Variants in FGD4 observed in about 807,000 individuals in gnomAD.
FGD4 encodes the protein FYVE, RhoGEF and PH domain-containing protein 4.
FGD4 carries 42 observed loss-of-function variants against 102.0 expected under a neutral mutation model. That is an observed-to-expected ratio of 0.41 (90% CI 0.32 to 0.53). The LOEUF is 0.53. FGD4 is among the 20% of genes least tolerant of loss of function. FGD4 has a pLI of 0.21. For missense variants in FGD4, 902 were observed against 1,078.2 expected (o/e 0.84, Z 2.29); for synonymous variants, 380 against 375.7 (o/e 1.01, Z -0.13).
intron 4 of FGD4, among the ~76,000 whole-genome samples, chr12:32,583,109 G>A (rs1946742715): frequency 6.6e-6 from 1 of 152,166 alleles, no homozygotes; most frequent in Non-Finnish European, 1.5e-5. Flanking sequence ...GGCCAAGGCA[G>A]GAAGAATTCC....
chr12:32,464,519 A>C (rs1428988046), intron 1 of FGD4, among the ~76,000 whole-genome samples: 1 of 152,196 alleles, frequency 6.6e-6, no homozygotes, highest in Admixed American at 6.5e-5. Flanking sequence ...GGATTAAAGA[A>C]AAAGGACAAA....
chr12:32,527,631 T>C (rs893697210), intron 1 of FGD4, among the ~76,000 whole-genome samples: 2 of 152,152 alleles, frequency 1.3e-5, no homozygotes, highest in Non-Finnish European at 2.9e-5. Context: ...GGTTTCACCA[T>C]GTTGGCCAGG....
At chr12:32,400,076 G>T (rs1591829319) in intron 1 of FGD4, 117 bp downstream of exon 1, 1 of 1,354,822 alleles carries the variant, frequency 7.4e-7, no homozygotes, top group East Asian at 3.0e-5. Flanking sequence ...TAACTGGTTC[G>T]GGAGGTTCAT....
rs1194009344 is a variant in FGD4, at chr12:32,481,834, A to G, written c.166+81875A>G. 3.4e-5 allele frequency among the ~76,000 whole-genome samples: 5 copies of G among 147,052 alleles called. No individual in the cohort carries two copies. The East Asian group carries it at 8.0e-4, about 23-fold the overall frequency. ...AGACTGTCTCAAAAAAAAAAAAAAA[A>G]GAACATCTAAGTTAATTGAAATAAT... On this transcript the variant is annotated intron_variant, in intron 1 of 16. Coordinates refer to ENST00000534526, the MANE Select transcript of FGD4 (RefSeq NM_001370298.3).
intron 7 of FGD4, 43 bp from the exon 8 acceptor site, chr12:32,607,914 A>G: frequency 6.2e-7 from 1 of 1,612,798 alleles, no homozygotes; most frequent in Non-Finnish European, 8.5e-7. Context: ...AGACTTGCTA[A>G]CCTAATTTTT....
intron 10 of FGD4, among the ~76,000 whole-genome samples, chr12:32,617,098 C>G (rs910590769): frequency 4.6e-5 from 7 of 152,340 alleles, no homozygotes; most frequent in Admixed American, 2.6e-4. Flanking sequence ...GACCCAAACA[C>G]TTACCATTAA....
intron 1 of FGD4, among the ~76,000 whole-genome samples, chr12:32,539,851 T>G (rs554363201): frequency 3.9e-5 from 6 of 152,202 alleles, no homozygotes; most frequent in Non-Finnish European, 8.8e-5. Flanking sequence ...CAATTTTGAC[T>G]ATAGCAAAAA....
chr12:32,470,971 G>A (rs1450232348), intron 1 of FGD4, among the ~76,000 whole-genome samples: 3 of 152,148 alleles, frequency 2.0e-5, no homozygotes, highest in Non-Finnish European at 2.9e-5. Flanking sequence ...GTTGTTTTCT[G>A]TTGAAAATGG....
chr12:32,633,779 G>A (rs1362466538), intron 15 of FGD4, 90 bp downstream of exon 15: 12 of 1,206,778 alleles, frequency 9.9e-6, no homozygotes, highest in Non-Finnish European at 1.3e-5. Context: ...GCAGTGGCAC[G>A]ATCTCAGCTC....
At position 32,619,683 on chromosome 12, in the gene FGD4, T is replaced by G; in HGVS notation, c.1750-15T>G. On this transcript the variant is annotated splice_polypyrimidine_tract_variant and intron_variant, in intron 10 of 16. Transcript: ENST00000534526. The stretch of plus-strand genomic sequence containing the variant: ...ATTTCTTTTCTTTACTGATATATGT[T>G]CTCGTTCCTTGCAGTTCAACAACAT... 1 of 1,614,050 alleles carries G rather than the reference T, an allele frequency of 6.2e-7. No homozygotes were observed. The highest frequency in any genetic ancestry group is 8.5e-7 in the Non-Finnish European group (1 of 1,179,986).
At chr12:32,503,063 T>G (rs1211037879) in intron 1 of FGD4, among the ~76,000 whole-genome samples, 4 of 152,232 alleles carry the variant, frequency 2.6e-5, no homozygotes, top group Admixed American at 2.6e-4. Context: ...TCTGTGTGGC[T>G]AAGAGGTTGG....
intron 1 of FGD4, among the ~76,000 whole-genome samples, chr12:32,406,031 C>T (rs1479652509): frequency 6.6e-6 from 1 of 152,012 alleles, no homozygotes; most frequent in African/African-American, 2.4e-5. Context: ...GCAACCTCCG[C>T]CTCCTGGGTT....
intron 1 of FGD4, among the ~76,000 whole-genome samples, chr12:32,441,641 C>T (rs576503801): frequency 9.9e-5 from 15 of 152,140 alleles, no homozygotes; most frequent in African/African-American, 3.6e-4. Flanking sequence ...GTAATGCCAG[C>T]ACTCCCTTGG....
intron 1 of FGD4, among the ~76,000 whole-genome samples, chr12:32,463,565 T>C (rs1943168218): frequency 1.3e-5 from 2 of 152,212 alleles, no homozygotes; most frequent in Admixed American, 6.5e-5. Flanking sequence ...CAAATATATA[T>C]TTTTTAACTC....
intron 1 of FGD4, among the ~76,000 whole-genome samples, chr12:32,536,104 GA>G (rs1437803707): frequency 2.7e-5 from 4 of 150,822 alleles, no homozygotes; most frequent in African/African-American, 9.7e-5. Flanking sequence ...TTAATGACCT[GA>G]AAAAACTTCT....
At chr12:32,404,963 T>A (rs548734181) in intron 1 of FGD4, among the ~76,000 whole-genome samples, 6 of 152,276 alleles carry the variant, frequency 3.9e-5, no homozygotes, top group African/African-American at 1.4e-4. Flanking sequence ...AGACGGAGTC[T>A]GGCTCTGTTG....
In FGD4 at chr12:32,601,313, AG is replaced by A; in HGVS notation, c.1139del (p.Gly380AlafsTer8). The A allele has an allele frequency of 6.2e-7, 1 of 1,614,146 alleles. No individual in the cohort carries two copies. The highest frequency in any genetic ancestry group is 8.5e-7 in the Non-Finnish European group (1 of 1,180,012). On this transcript the variant is annotated frameshift_variant, in exon 6 of 17. Transcript: ENST00000534526. LOFTEE classifies it high-confidence loss of function. ...GCAAACTGTTGGAAGAAGCAAACCGAGGCTCGTTTCCAGCAGAGATGGTGAA... is the reference window on the plus strand; with the variant it reads ...GCAAACTGTTGGAAGAAGCAAACCGAGCTCGTTTCCAGCAGAGATGGTGAA... ...YCKLLEEANR[G>X]SFPAEMVNKI... is the part of the protein sequence containing the mutation.
rs1451079114 is a variant in FGD4 at position 32,582,024 on chromosome 12, C to T, written c.568C>T (p.Pro190Ser). ...SAVNLNAPRTPGRHGLTTTPQ... is the reference protein window; with the variant it reads ...SAVNLNAPRTSGRHGLTTTPQ... ...TGTGAACCTAAATGCTCCTAGAACC[C>T]CAGGAAGGCATGGATTGACAACCAC... is the stretch of plus-strand genomic sequence containing the variant. Residue 190 changes from proline (P) to serine (S), a missense_variant, in exon 4 of 17, where the codon CCA becomes TCA. Coordinates refer to ENST00000534526, the MANE Select transcript of FGD4 (RefSeq NM_001370298.3). 6.2e-7 allele frequency: 1 copy of T among 1,614,086 alleles called. No individual in the cohort carries two copies. The highest frequency in any genetic ancestry group is 1.7e-5 in the Admixed American group (1 of 60,012).
intron 1 of FGD4, among the ~76,000 whole-genome samples, chr12:32,469,469 C>T (rs900894907): frequency 6.6e-6 from 1 of 151,456 alleles, no homozygotes; most frequent in Admixed American, 6.6e-5. Flanking sequence ...TTAGTAGAAA[C>T]AGGATTTCAC....
Sources: allele counts gnomAD v4.1 joint callset (sites outside exome capture counted in the v4.1 genomes callset), GRCh38; gene constraint gnomAD v4.1.1; transcripts MANE v1.5; gene names NCBI Gene and HGNC (gene_info 2026-07-23, HGNC 2026-07-21).